TDRD9: variants seen among roughly 807,000 people sequenced by gnomAD.
The protein encoded by TDRD9 is tudor domain containing 9.
In TDRD9, 124 loss-of-function variants were observed where a neutral mutation model predicts 172.6. That is an observed-to-expected ratio of 0.72 (90% CI 0.62 to 0.83). The LOEUF (loss-of-function observed/expected upper bound fraction) is 0.83. Ranked by LOEUF, TDRD9 falls within the 40% of genes least tolerant of loss-of-function variation. The pLI is 0.00. For missense variants in TDRD9, 1,479 were observed against 1,714.1 expected (o/e 0.86, Z 2.42); for synonymous variants, 619 against 617.1 (o/e 1.00, Z -0.05).
intron 7 of TDRD9, among the ~76,000 whole-genome samples, 152 bp downstream of exon 7, chr14:103,975,705 G>A (rs2033209506): frequency 6.6e-6 from 1 of 152,108 alleles, no homozygotes; most frequent in African/African-American, 2.4e-5. Flanking sequence ...AGTATAGTGT[G>A]GTATTTTGAT....
intron 1 of TDRD9, chr14:103,941,160 T>G (rs1218659290): frequency 1.6e-5 from 21 of 1,322,506 alleles, no homozygotes; most frequent in Admixed American, 2.3e-5. Flanking sequence ...TATATCTCTT[T>G]ATCTCCAAAA....
intron 35 of TDRD9, among the ~76,000 whole-genome samples, 154 bp from the exon 36 acceptor site, chr14:104,051,827 T>C (rs1002779948): frequency 4.6e-5 from 7 of 152,230 alleles, no homozygotes; most frequent in African/African-American, 1.7e-4. Context: ...TTATCAAACC[T>C]ATAGTATGAA....
intron 33 of TDRD9, among the ~76,000 whole-genome samples, chr14:104,040,914 G>A (rs768822646): frequency 1.3e-5 from 2 of 152,216 alleles, no homozygotes; most frequent in Non-Finnish European, 2.9e-5. Context: ...ATGTGGGCTC[G>A]TATTTGTGTA....
At chr14:103,956,104 AAAAAAAAATATATAT>A (rs1452515283) in intron 2 of TDRD9, among the ~76,000 whole-genome samples, 16 of 51,758 alleles carry the variant, frequency 3.1e-4, no homozygotes, top group African/African-American at 9.9e-4. Context: ...AAAAAAAAAA[AAAAAAAAATATATAT>A]ATATATATAT....
chr14:103,941,162 TC>T, intron 1 of TDRD9: 1 of 1,309,394 alleles, frequency 7.6e-7, no homozygotes, highest in African/African-American at 1.5e-5. Context: ...TATCTCTTTA[TC>T]TCCAAAATAC....
At chr14:103,985,709 G>A (rs2033636316) in intron 7 of TDRD9, among the ~76,000 whole-genome samples, 1 of 152,144 alleles carries the variant, frequency 6.6e-6, no homozygotes, top group African/African-American at 2.4e-5. Flanking sequence ...TCATCATGAG[G>A]TTATGTTATC....
chr14:104,003,750 C>T (rs978446846), intron 13 of TDRD9, among the ~76,000 whole-genome samples: 9 of 152,080 alleles, frequency 5.9e-5, no homozygotes, highest in African/African-American at 2.2e-4. Flanking sequence ...CACTCGGTCA[C>T]GTAATGCGGT....
intron 35 of TDRD9, among the ~76,000 whole-genome samples, chr14:104,050,754 C>T (rs1453341352): frequency 6.6e-6 from 1 of 152,190 alleles, no homozygotes; most frequent in Non-Finnish European, 1.5e-5. Flanking sequence ...GCGGCCACAC[C>T]AGCCCCCATG....
At position 103,986,281 on chromosome 14, in the gene TDRD9, T is replaced by C; in HGVS notation, c.1076T>C (p.Leu359Pro). ...TKDIYEVAVS[L>P]IQMFDDLDMK... ...GATATATATGAAGTTGCTGTCTCTCTCATTCAGATGTTTGATGACTTGGAT... is the reference window on the plus strand; with the variant it reads ...GATATATATGAAGTTGCTGTCTCTCCCATTCAGATGTTTGATGACTTGGAT... Residue 359 changes from leucine (L) to proline (P), a missense_variant, in exon 8 of 36, where the codon CTC becomes CCC. Transcript: ENST00000409874. 2.5e-6 allele frequency: 4 copies of C among 1,613,494 alleles called. No homozygotes were observed. The highest frequency in any genetic ancestry group is 3.4e-6 in the Non-Finnish European group (4 of 1,179,578).
chr14:104,046,499 T>G (rs2035781279), intron 34 of TDRD9, among the ~76,000 whole-genome samples: 2 of 152,344 alleles, frequency 1.3e-5, no homozygotes, highest in South Asian at 4.1e-4. Flanking sequence ...TTGAATTGCC[T>G]TGGTACCTTG....
intron 32 of TDRD9, among the ~76,000 whole-genome samples, chr14:104,036,800 A>G (rs1370080214): frequency 1.3e-5 from 2 of 152,220 alleles, no homozygotes; most frequent in Non-Finnish European, 2.9e-5. Flanking sequence ...TGTTGAATTA[A>G]CTGAAATGTG....
Position 104,006,638 on chromosome 14 carries a change from AT to A in TDRD9, c.1880-7del. The A allele has an allele frequency of 6.2e-7, 1 of 1,613,650 alleles. No individual in the cohort carries two copies. Among genetic ancestry groups the A allele is most frequent in the Non-Finnish European group, 8.5e-7 (1 of 1,179,728 alleles). Reference sequence around the variant, plus strand: ...CTTACATTCTTCTTGTTTATTTTTTATGGTTAGCGGCAGCTCTTTCTTTGAA... The same window carrying A: ...CTTACATTCTTCTTGTTTATTTTTTAGGTTAGCGGCAGCTCTTTCTTTGAA... On this transcript the variant is annotated splice_region_variant and splice_polypyrimidine_tract_variant and intron_variant, in intron 16 of 35. Transcript: ENST00000409874.
rs781249979 is a variant in TDRD9, at chr14:103,986,296, A to G, written c.1091A>G (p.Asp364Gly). Residue 364 changes from aspartate (D) to glycine (G), a missense_variant, in exon 8 of 36, where the codon GAT (aspartate) becomes GGT (glycine). Physicochemically the swap from Asp to Gly is moderately conservative, Grantham distance 94. This residue lies in a region of TDRD9 where 1,413 missense variants were observed against 1,649.1 expected (regional missense o/e 0.86). Coordinates refer to ENST00000409874, the MANE Select transcript of TDRD9 (RefSeq NM_153046.3). ...GCTGTCTCTCTCATTCAGATGTTTG[A>G]TGACTTGGATATGAAGGAGAGTGGG... ...EVAVSLIQMFDDLDMKESGNK... is the reference protein window; with the variant it reads ...EVAVSLIQMFGDLDMKESGNK... The G allele has an allele frequency of 2.5e-6, 4 of 1,612,992 alleles. No individual in the cohort carries two copies. The highest frequency in any genetic ancestry group is 3.4e-6 in the Non-Finnish European group (4 of 1,179,190).
At chr14:103,943,800 A>G (rs560316038) in intron 1 of TDRD9, among the ~76,000 whole-genome samples, 4 of 152,210 alleles carry the variant, frequency 2.6e-5, no homozygotes, top group Admixed American at 6.5e-5. Context: ...CAAGTGAGCC[A>G]TGAAGAGTAG....
At chr14:103,998,806 T>G in intron 13 of TDRD9, 78 bp downstream of exon 13, 1 of 743,330 alleles carries the variant, frequency 1.3e-6, no homozygotes, top group Non-Finnish European at 2.3e-6. Context: ...TTTTTTTTTT[T>G]CTCTGAGACG....
chr14:103,962,001 G>A (rs1213468578), intron 2 of TDRD9, among the ~76,000 whole-genome samples: 1 of 152,188 alleles, frequency 6.6e-6, no homozygotes, highest in Non-Finnish European at 1.5e-5. Flanking sequence ...TATTTTGGAA[G>A]TAAAACTTAT....
At position 104,005,404 on chromosome 14, in the gene TDRD9, A is replaced by G. The variant is rs769733089; in HGVS notation, c.1712A>G (p.Glu571Gly). 5.0e-6 allele frequency: 8 copies of G among 1,613,838 alleles called. No individual in the cohort carries two copies. Among genetic ancestry groups the G allele is most frequent in the Non-Finnish European group, 6.8e-6 (8 of 1,179,856 alleles). The change falls in exon 15 of 36, where the codon GAG (glutamate) becomes GGG (glycine). Residue 571 changes from glutamate (E) to glycine (G), a missense_variant and splice_region_variant. Physicochemically the swap from Glu to Gly is moderately conservative, Grantham distance 98. Around this residue, in one of 3 missense-constraint regions of TDRD9, gnomAD observed 1,413 missense variants for 1,649.1 expected, o/e 0.86. Transcript: ENST00000409874. ...DIERTILLLK[E>G]VGALAVSGQR... is the part of the protein sequence containing the mutation. ...GAGCGCACCATCCTTCTACTAAAGGAGGTAGGACTGCCTGCTGGTTAGTAC... is the reference window on the plus strand; with the variant it reads ...GAGCGCACCATCCTTCTACTAAAGGGGGTAGGACTGCCTGCTGGTTAGTAC...
chr14:104,008,066 A>G (rs1045908946), intron 19 of TDRD9, among the ~76,000 whole-genome samples: 6 of 152,038 alleles, frequency 3.9e-5, no homozygotes, highest in African/African-American at 1.4e-4. Context: ...GGCGTGAACC[A>G]CCGCGCCTGG....
intron 6 of TDRD9, among the ~76,000 whole-genome samples, chr14:103,972,835 C>G (rs935042183): frequency 1.3e-5 from 2 of 152,178 alleles, no homozygotes; most frequent in South Asian, 2.1e-4. Context: ...TCGACACTTG[C>G]AATCAGTTGT....
Sources: allele counts gnomAD v4.1 joint callset (sites outside exome capture counted in the v4.1 genomes callset), GRCh38; gene constraint gnomAD v4.1.1; regional missense constraint gnomAD v4.1.1; transcripts MANE v1.5; gene names NCBI Gene and HGNC (gene_info 2026-07-23, HGNC 2026-07-21).